Variants in ANKMY1 observed in about 807,000 individuals in gnomAD.
ANKMY1 encodes the protein ankyrin repeat and MYND domain containing 1.
Under a neutral mutation model 102.0 loss-of-function variants are expected in ANKMY1, and 98 were observed. The ratio of observed to expected loss-of-function variants is 0.96; its 90% CI spans 0.82 to 1.14. The LOEUF is 1.14. ANKMY1 is among the 50% of genes most tolerant of loss of function. ANKMY1 has a pLI of 0.00. For synonymous variants in ANKMY1, 582 were observed against 559.9 expected (o/e 1.04, Z -0.56); for missense variants, 1,330 against 1,347.6 (o/e 0.99, Z 0.20).
At chr2:240,542,350 C>A (rs2089110554) in intron 4 of ANKMY1, among the ~76,000 whole-genome samples, 1 of 151,706 alleles carries the variant, frequency 6.6e-6, no homozygotes, top group Non-Finnish European at 1.5e-5. Flanking sequence ...ACTAAAAATA[C>A]AAAAATTAGC....
At chr2:240,507,462 G>C (rs956243874) in intron 13 of ANKMY1, 98 bp downstream of exon 13, 2 of 1,003,290 alleles carry the variant, frequency 2.0e-6, no homozygotes, top group Non-Finnish European at 2.5e-6. Flanking sequence ...TCCCCTCCCC[G>C]CTCATCAGGG....
At chr2:240,526,053 A>G (rs2083319505) in intron 6 of ANKMY1, 176 bp downstream of exon 6, 1 of 958,384 alleles carries the variant, frequency 1.0e-6, no homozygotes, top group Non-Finnish European at 1.6e-6. Flanking sequence ...CTGGACCACG[A>G]GTGTCACACT....
chr2:240,537,250 G>C (rs563060250), intron 4 of ANKMY1, among the ~76,000 whole-genome samples: 74 of 152,192 alleles, frequency 4.9e-4, no homozygotes, highest in African/African-American at 1.7e-3. Flanking sequence ...TTTACCTATA[G>C]TTTCCAGATT....
At position 240,547,457 on chromosome 2, in the gene ANKMY1, A is replaced by G. The variant is rs2090612074; in HGVS notation, c.480+5457T>C. Reference sequence around the variant, plus strand: ...CTAACATCACAATTAAAAGAACTAGAAAAGCAAGAGCAAACACATTCAAAA... The same window carrying G: ...CTAACATCACAATTAAAAGAACTAGGAAAGCAAGAGCAAACACATTCAAAA... On this transcript the variant is annotated intron_variant, in intron 4 of 17. Coordinates refer to ENST00000401804, the MANE Select transcript of ANKMY1 (RefSeq NM_001282771.3). Among the ~76,000 whole-genome samples the G allele has an allele frequency of 3.4e-5, 5 of 148,718 alleles. No homozygotes were observed. In the South Asian group the frequency reaches 1.1e-3, roughly 33 times the overall value.
chr2:240,546,771 T>C (rs1368460589), intron 4 of ANKMY1, among the ~76,000 whole-genome samples: 1 of 152,198 alleles, frequency 6.6e-6, no homozygotes, highest in Non-Finnish European at 1.5e-5. Context: ...AGAAGGCCAT[T>C]ACATAATGGT....
In ANKMY1 at chr2:240,552,958, G is replaced by A. The variant is rs774617357; in HGVS notation, c.436C>T (p.Arg146Ter). The A allele has an allele frequency of 3.7e-5, 60 of 1,613,846 alleles. No homozygotes were observed. The highest frequency in any genetic ancestry group is 1.8e-4 in the Admixed American group (11 of 59,994). ...SFTGTFYLSHREGYGTMYMKT... is the reference protein window; with the variant it reads ...SFTGTFYLSH Reference sequence around the variant, plus strand: ...ATGTACATGGTGCCGTAGCCTTCTCGGTGGCTGAGGTAAAATGTGCCCGTG... The same window carrying A: ...ATGTACATGGTGCCGTAGCCTTCTCAGTGGCTGAGGTAAAATGTGCCCGTG... Residue 146 changes from arginine to a stop codon, truncating the protein, a stop_gained, in exon 4 of 18, where the codon CGA becomes TGA. Coordinates refer to ENST00000401804, the MANE Select transcript of ANKMY1 (RefSeq NM_001282771.3). LOFTEE classifies it high-confidence loss of function.
At chr2:240,491,761 T>C (rs1318890856) in intron 15 of ANKMY1, among the ~76,000 whole-genome samples, 1 of 152,196 alleles carries the variant, frequency 6.6e-6, no homozygotes, top group African/African-American at 2.4e-5. Flanking sequence ...GCCTGTAATG[T>C]TTCTGCTGAG....
chr2:240,488,211 C>T (rs951835130), intron 15 of ANKMY1, among the ~76,000 whole-genome samples: 1 of 152,174 alleles, frequency 6.6e-6, no homozygotes, highest in Non-Finnish European at 1.5e-5. Flanking sequence ...TTCCCAGCAC[C>T]ATTTACTGAA....
the ANKMY1 span, among the ~76,000 whole-genome samples, chr2:240,471,285 A>C: frequency 7.0e-6 from 1 of 143,782 alleles, no homozygotes; most frequent in Non-Finnish European, 1.5e-5. Context: ...TTTGAGACAG[A>C]GTATCTGTCT....
At chr2:240,511,085 G>C (rs1196343622) in intron 11 of ANKMY1, among the ~76,000 whole-genome samples, 1 of 151,982 alleles carries the variant, frequency 6.6e-6, no homozygotes, top group South Asian at 2.1e-4. Flanking sequence ...ACCAGACAGG[G>C]ATGTTCTGAA....
chr2:240,531,711 T>C (rs528830273), intron 4 of ANKMY1, among the ~76,000 whole-genome samples: 4 of 152,144 alleles, frequency 2.6e-5, no homozygotes, highest in Non-Finnish European at 5.9e-5. Flanking sequence ...AGATTAGTAG[T>C]TGTCAATGGC....
intron 15 of ANKMY1, among the ~76,000 whole-genome samples, chr2:240,490,428 G>A (rs1210268589): frequency 6.6e-6 from 1 of 151,994 alleles, no homozygotes; most frequent in Non-Finnish European, 1.5e-5. Context: ...CCTTAGCCCT[G>A]TTTTTGCTGT....
chr2:240,514,900 T>C (rs2080903968), intron 9 of ANKMY1, among the ~76,000 whole-genome samples: 1 of 152,140 alleles, frequency 6.6e-6, no homozygotes, highest in Non-Finnish European at 1.5e-5. Flanking sequence ...GGGTTACCAG[T>C]GGATGGGCAT....
rs182582044 is a variant in ANKMY1, at chr2:240,496,730, C to T, written c.2806+3228G>A. On this transcript the variant is annotated intron_variant, in intron 15 of 17. Transcript: ENST00000401804. ...TTGACTGTCTCCTTCCATGACCAAA[C>T]GCTCCTGTTTAGTTCTGATAATTGC... Among the ~76,000 whole-genome samples, 10 of 152,276 alleles carry T rather than the reference C, an allele frequency of 6.6e-5. 1 individual carries two copies. Among genetic ancestry groups the T allele is most frequent in the South Asian group, 2.1e-4 (1 of 4,824 alleles).
chr2:240,478,594 C>T (rs1462557129), downstream of ANKMY1, among the ~76,000 whole-genome samples: 2 of 152,084 alleles, frequency 1.3e-5, no homozygotes, highest in Non-Finnish European at 2.9e-5. Context: ...GTTGGGAGCC[C>T]CTATGAAGAG....
the ANKMY1 span, among the ~76,000 whole-genome samples, chr2:240,468,691 A>G: frequency 6.6e-6 from 1 of 152,210 alleles, no homozygotes; most frequent in African/African-American, 2.4e-5. Flanking sequence ...GGTCTGGTGA[A>G]CATTTTTAAC....
At position 240,524,385 on chromosome 2, in the gene ANKMY1, T is replaced by A; in HGVS notation, c.1336-4A>T. The A allele has an allele frequency of 2.5e-6, 4 of 1,586,928 alleles. No individual in the cohort carries two copies. The Admixed American group carries it at 5.4e-5, about 21-fold the overall frequency. Reference sequence around the variant, plus strand: ...CAACTGGGAATTTTGGAGGTTCCTTTGGAAAGAACCAAAAAAGTGTCATTA... The same window carrying A: ...CAACTGGGAATTTTGGAGGTTCCTTAGGAAAGAACCAAAAAAGTGTCATTA... On this transcript the variant is annotated splice_polypyrimidine_tract_variant and splice_region_variant and intron_variant, in intron 7 of 17. Coordinates refer to ENST00000401804, the MANE Select transcript of ANKMY1 (RefSeq NM_001282771.3).
chr2:240,489,646 T>C (rs147171892), intron 15 of ANKMY1, among the ~76,000 whole-genome samples: 5 of 152,264 alleles, frequency 3.3e-5, no homozygotes, highest in African/African-American at 1.2e-4. Flanking sequence ...CTTTTGAAAG[T>C]GCTGTTGGAT....
intron 8 of ANKMY1, chr2:240,523,525 T>G: frequency 3.4e-6 from 1 of 291,832 alleles, no homozygotes; most frequent in Non-Finnish European, 6.6e-6. Context: ...CAGGCAGGTG[T>G]CACTCACGTG....
Sources: gnomAD v4.1 joint callset for allele counts (sites outside exome capture counted in the v4.1 genomes callset) on GRCh38, gnomAD v4.1.1 for gene constraint, MANE v1.5 for transcripts, NCBI Gene and HGNC (gene_info 2026-07-23, HGNC 2026-07-21) for gene names.